Variants in GALNT14 observed in about 807,000 individuals in gnomAD.
GALNT14 encodes UDP-GalNAc:polypeptide N-acetylgalactosaminyltransferase 14.
In GALNT14, 60 loss-of-function variants were observed where a neutral mutation model predicts 77.5. The ratio of observed to expected loss-of-function variants is 0.77; its 90% CI spans 0.63 to 0.96. The LOEUF (loss-of-function observed/expected upper bound fraction) is 0.96, where lower values mean the gene tolerates loss of function less well. Ranked by LOEUF, GALNT14 falls within the 40% of genes least tolerant of loss-of-function variation. GALNT14 has a pLI of 0.00. For missense variants in GALNT14, 710 were observed against 731.0 expected, an observed-to-expected ratio of 0.97 and a Z score of 0.33; for synonymous variants, 280 against 281.7, an observed-to-expected ratio of 0.99 and a Z score of 0.06.
Position 31,112,711 on chromosome 2 carries a change from T to C in GALNT14, c.129+25247A>G, listed in dbSNP as rs190763703. 1.6e-4 allele frequency among the ~76,000 whole-genome samples: 24 copies of C among 152,294 alleles called. No homozygotes were observed. The East Asian group carries it at 3.7e-3, about 23-fold the overall frequency. On this transcript the variant is annotated intron_variant, in intron 1 of 14. Transcript: ENST00000349752. ...CCTGTATGACAAAGATCCACTATCA[T>C]TGTCATGGGCCCACAGTCCCCTGCA... is the stretch of plus-strand genomic sequence containing the variant.
At chr2:30,914,271 T>G (rs1229506667) in intron 13 of GALNT14, among the ~76,000 whole-genome samples, 1 of 152,174 alleles carries the variant, frequency 6.6e-6, no homozygotes, top group Non-Finnish European at 1.5e-5. Context: ...CACACCAACT[T>G]TCTCCAGCAG....
At chr2:31,015,554 GA>G (rs1377044635) in intron 1 of GALNT14, among the ~76,000 whole-genome samples, 1 of 152,130 alleles carries the variant, frequency 6.6e-6, no homozygotes, top group East Asian at 1.9e-4. Context: ...TGGCAAAAGG[GA>G]AAAAAAGAGT....
intron 1 of GALNT14, among the ~76,000 whole-genome samples, chr2:30,993,662 G>A (rs966507999): frequency 4.6e-5 from 7 of 152,186 alleles, no homozygotes; most frequent in South Asian, 2.1e-4. Flanking sequence ...AACCCTCACC[G>A]TACATGGATA....
chr2:30,929,238 G>C (rs1370891234), intron 11 of GALNT14, among the ~76,000 whole-genome samples, 157 bp downstream of exon 11: 1 of 152,230 alleles, frequency 6.6e-6, no homozygotes, highest in Admixed American at 6.5e-5. Flanking sequence ...CCAGAGCTGG[G>C]CAGGAGCTCT....
downstream of GALNT14, among the ~76,000 whole-genome samples, chr2:30,909,483 A>G (rs1490336529): frequency 6.6e-6 from 1 of 151,312 alleles, no homozygotes; most frequent in Non-Finnish European, 1.5e-5. Flanking sequence ...TGGCCATCAG[A>G]GAAATGCAAA....
intron 2 of GALNT14, among the ~76,000 whole-genome samples, chr2:30,970,449 T>A (rs1668278451): frequency 6.6e-6 from 1 of 152,132 alleles, no homozygotes; most frequent in African/African-American, 2.4e-5. Context: ...CACGTGGTGT[T>A]TAAAGGGTGC....
At chr2:30,978,977 A>G (rs1298571669) in intron 2 of GALNT14, among the ~76,000 whole-genome samples, 1 of 152,174 alleles carries the variant, frequency 6.6e-6, no homozygotes, top group East Asian at 1.9e-4. Context: ...GACTCCCAAA[A>G]CACAAAAGGG....
At chr2:30,964,791 C>T (rs542417155) in intron 3 of GALNT14, among the ~76,000 whole-genome samples, 1 of 152,298 alleles carries the variant, frequency 6.6e-6, no homozygotes, top group South Asian at 2.1e-4. Context: ...TCATTCATGA[C>T]AGGTGGAGCT....
intron 9 of GALNT14, among the ~76,000 whole-genome samples, chr2:30,940,322 C>T (rs915401967): frequency 6.6e-6 from 1 of 152,152 alleles, no homozygotes; most frequent in African/African-American, 2.4e-5. Flanking sequence ...CAAAATGGAC[C>T]AGACTGTGCC....
intron 1 of GALNT14, among the ~76,000 whole-genome samples, chr2:31,090,640 C>T (rs572005224): frequency 3.3e-5 from 5 of 152,066 alleles, no homozygotes; most frequent in Admixed American, 6.5e-5. Flanking sequence ...CAGGCTCATA[C>T]CTGGCTAATT....
chr2:30,921,244 A>G (rs1422356698), intron 13 of GALNT14, among the ~76,000 whole-genome samples: 2 of 152,102 alleles, frequency 1.3e-5, no homozygotes, highest in Non-Finnish European at 2.9e-5. Context: ...AGGTACCAGA[A>G]AAGTCCCCTG....
chr2:31,068,081 G>A (rs2148556673), intron 1 of GALNT14, among the ~76,000 whole-genome samples: 1 of 152,284 alleles, frequency 6.6e-6, no homozygotes, highest in Non-Finnish European at 1.5e-5. Flanking sequence ...GCCCAGAAAG[G>A]GATTCCAAGT....
At position 30,937,692 on chromosome 2, in the gene GALNT14, T is replaced by C. The variant is rs537753704; in HGVS notation, c.931+4509A>G. On this transcript the variant is annotated intron_variant, in intron 9 of 14. Transcript: ENST00000349752. ...ACTTTTAAGGGCTCAAGTGTTTAAA[T>C]TGGGTCCACTCAGAAAAGCCAGGAT... Among the ~76,000 whole-genome samples, 10 of 152,280 alleles carry C rather than the reference T, an allele frequency of 6.6e-5. No homozygotes were observed. In the East Asian group the frequency reaches 1.2e-3, roughly 18 times the overall value.
chr2:31,017,393 C>T (rs1671438494), intron 1 of GALNT14, among the ~76,000 whole-genome samples: 1 of 152,200 alleles, frequency 6.6e-6, no homozygotes, highest in African/African-American at 2.4e-5. Context: ...ATCTTAATGA[C>T]AGCTAAATTT....
intron 1 of GALNT14, among the ~76,000 whole-genome samples, chr2:31,082,152 T>A (rs1400839601): frequency 6.6e-6 from 1 of 152,216 alleles, no homozygotes; most frequent in Non-Finnish European, 1.5e-5. Context: ...TGCCAGGACC[T>A]GAAATCGGGC....
chr2:30,914,084 GA>G (rs1377656370), intron 13 of GALNT14, among the ~76,000 whole-genome samples: 11 of 152,326 alleles, frequency 7.2e-5, no homozygotes, highest in Middle Eastern at 3.4e-3. Context: ...CTGCTAATAA[GA>G]GCTGACATTT....
intron 9 of GALNT14, among the ~76,000 whole-genome samples, chr2:30,938,384 A>ACACACTCTCTCTCT (rs1174119035): frequency 4.2e-5 from 6 of 141,690 alleles, no homozygotes; most frequent in African/African-American, 1.6e-4. Context: ...ACACACACAC[A>ACACACTCTCTCTCT]CTCTCTCTCT....
chr2:31,043,051 C>A (rs1279328749), intron 1 of GALNT14, among the ~76,000 whole-genome samples: 1 of 152,176 alleles, frequency 6.6e-6, no homozygotes, highest in Non-Finnish European at 1.5e-5. Flanking sequence ...CCTTTCTCCT[C>A]ATCCCAGCAC....
Position 30,910,855 on chromosome 2 carries a change from C to T in GALNT14, c.*46G>A. On this transcript the variant is annotated 3_prime_UTR_variant, in exon 15 of 15. Transcript: ENST00000349752. ...GCCCAGTTTCCAGTCTGTTCTGGTC[C>T]AGGGAAGCACCACCCCATGGCCCTT... is the stretch of plus-strand genomic sequence containing the variant. 6.2e-7 allele frequency: 1 copy of T among 1,600,962 alleles called. No homozygotes were observed. The highest frequency in any genetic ancestry group is 8.5e-7 in the Non-Finnish European group (1 of 1,173,672).
Sources: gnomAD v4.1 joint callset for allele counts (sites outside exome capture counted in the v4.1 genomes callset) on GRCh38, gnomAD v4.1.1 for gene constraint, MANE v1.5 for transcripts, NCBI Gene and HGNC (gene_info 2026-07-23, HGNC 2026-07-21) for gene names.